Variants in ISLR2 observed in about 807,000 individuals in gnomAD.
The protein encoded by ISLR2 is immunoglobulin superfamily containing leucine-rich repeat protein 2.
In ISLR2, 16 loss-of-function variants were observed where a neutral mutation model predicts 25.5. The ratio of observed to expected loss-of-function variants is 0.63; its 90% CI spans 0.43 to 0.95. The LOEUF (loss-of-function observed/expected upper bound fraction) is 0.95, where lower values mean the gene tolerates loss of function less well. Among genes scored for constraint, ISLR2 ranks in the 40% least tolerant of loss-of-function variants. The pLI, the probability that ISLR2 is intolerant of heterozygous loss-of-function variation, is 0.00. For missense variants in ISLR2, 883 were observed against 1,030.7 expected, an observed-to-expected ratio of 0.86 and a Z score of 1.96; for synonymous variants, 508 against 486.6, an observed-to-expected ratio of 1.04 and a Z score of -0.58.
upstream of ISLR2, chr15:74,128,958 G>T: frequency 2.2e-6 from 1 of 455,874 alleles, no homozygotes; most frequent in Non-Finnish European, 4.4e-6. Context: ...AAACCTCAGG[G>T]ACTCACCCCG....
rs2072538902 is a variant in ISLR2 at position 74,135,000 on chromosome 15, C to CCCGT, written c.*12_*15dup. On this transcript the variant is annotated 3_prime_UTR_variant, in exon 3 of 3. Transcript: ENST00000453268. The stretch of plus-strand genomic sequence containing the variant: ...AGGCAGACGGCAGGCTGAACCTCCG[C>CCCGT]CCGTCCGGCCCGCCCATTCCCGACC... 6.2e-7 allele frequency: 1 copy of CCCGT among 1,607,868 alleles called. No homozygotes were observed. Among genetic ancestry groups the CCCGT allele is most frequent in the East Asian group, 2.2e-5 (1 of 44,808 alleles).
chr15:74,130,553 G>C (rs2072388149), upstream of ISLR2: 1 of 152,664 alleles, frequency 6.6e-6, no homozygotes, highest in Admixed American at 6.5e-5. Context: ...ACGTGTTGCA[G>C]GGCGTAAAAG....
At chr15:74,107,078 G>A (rs2072126700) in intron 2 of ISLR2, among the ~76,000 whole-genome samples, 1 of 152,170 alleles carries the variant, frequency 6.6e-6, no homozygotes, top group South Asian at 2.1e-4. Flanking sequence ...AGCAAGCATG[G>A]CCCAGGGCCC....
At chr15:74,113,759 T>C (rs1375515105) in intron 2 of ISLR2, among the ~76,000 whole-genome samples, 2 of 152,224 alleles carry the variant, frequency 1.3e-5, no homozygotes, top group Non-Finnish European at 1.5e-5. Flanking sequence ...TGTGAATGTC[T>C]GGGATATTCA....
intron 2 of ISLR2, among the ~76,000 whole-genome samples, chr15:74,121,374 C>A (rs968572321): frequency 1.3e-5 from 2 of 152,144 alleles, no homozygotes; most frequent in Non-Finnish European, 2.9e-5. Context: ...CTCTTCATAG[C>A]CTGATTCCTC....
chr15:74,104,787 T>C (rs2072107918), intron 2 of ISLR2, among the ~76,000 whole-genome samples: 1 of 150,174 alleles, frequency 6.7e-6, no homozygotes, highest in African/African-American at 2.5e-5. Flanking sequence ...GGTCTTGCTA[T>C]GTTGCCCAGG....
At chr15:74,140,248 C>T (rs1001580197), downstream of ISLR2, among the ~76,000 whole-genome samples, 3 of 152,248 alleles carry the variant, frequency 2.0e-5, no homozygotes, top group Middle Eastern at 3.4e-3. Context: ...TGGAATGCAG[C>T]CCTCCACCCA....
upstream of ISLR2, among the ~76,000 whole-genome samples, chr15:74,125,399 G>A (rs1262701531): frequency 3.3e-5 from 5 of 151,888 alleles, no homozygotes; most frequent in East Asian, 1.9e-4. Flanking sequence ...GTGCCACCAC[G>A]CCCAACTAAT....
In ISLR2 at chr15:74,114,571, C is replaced by A. The variant is rs189883674; in HGVS notation, n.228+10657C>A. On this transcript the variant is annotated intron_variant and non_coding_transcript_variant, in intron 2 of 3. Coordinates refer to the ISLR2 transcript ENST00000561975. Reference sequence around the variant, plus strand: ...CCATGAAGTGGAGGTGGCAGTGAGCCGAGATGGCGCCACTTGGGGTGACAG... The same window carrying A: ...CCATGAAGTGGAGGTGGCAGTGAGCAGAGATGGCGCCACTTGGGGTGACAG... Among the ~76,000 whole-genome samples, 152 of 150,282 alleles carry A rather than the reference C, an allele frequency of 1.0e-3. No homozygotes were observed. In the East Asian group the frequency reaches 0.028, roughly 28 times the overall value.
In ISLR2 at chr15:74,100,342, A is replaced by C. The variant is rs993853577; in HGVS notation, n.32A>C. 8 of 1,223,270 alleles carry C rather than the reference A, an allele frequency of 6.5e-6. No homozygotes were observed. The African/African-American group carries it at 1.3e-4, about 20-fold the overall frequency. The allele number at this position is 1,223,270 out of a possible 1,614,324, so 75.8% of individuals were successfully genotyped here. ...TCGAGTGAGGCCGGGAGCGGACCGC[A>C]GCCCGCTGGAGGTGCCGGGGGCGAA... On this transcript the variant is annotated non_coding_transcript_exon_variant, in exon 1 of 4. Coordinates refer to the ISLR2 transcript ENST00000561975.
chr15:74,114,721 T>C (rs1357844981), intron 2 of ISLR2, among the ~76,000 whole-genome samples: 1 of 151,126 alleles, frequency 6.6e-6, no homozygotes, highest in Non-Finnish European at 1.5e-5. Context: ...ACTAGAAAAA[T>C]GGAACAACAT....
chr15:74,128,169 G>A, upstream of ISLR2: 1 of 299,302 alleles, frequency 3.3e-6, no homozygotes, highest in Non-Finnish European at 6.4e-6. Flanking sequence ...GACGAGGTGC[G>A]CGCAGTCTTC....
Position 74,134,532 on chromosome 15 carries a change from T to C in ISLR2, c.1778T>C (p.Ile593Thr). Reference protein sequence around the residue: ...TKKELPSLLVIVAVSVFLLVL... With the variant: ...TKKELPSLLVTVAVSVFLLVL... Reference sequence around the variant, plus strand: ...AAGGAGCTCCCATCGCTGCTGGTCATAGTGGCAGTGAGCGTATTCCTCCTG... The same window carrying C: ...AAGGAGCTCCCATCGCTGCTGGTCACAGTGGCAGTGAGCGTATTCCTCCTG... The change falls in exon 3 of 3, where the codon ATA becomes ACA. Residue 593 changes from isoleucine (I) to threonine (T), a missense_variant. Transcript: ENST00000453268. 2.5e-6 allele frequency: 4 copies of C among 1,614,062 alleles called. No individual in the cohort carries two copies. The highest frequency in any genetic ancestry group is 3.4e-6 in the Non-Finnish European group (4 of 1,180,024).
In ISLR2 at chr15:74,135,578, T is replaced by G. The variant is rs1194545501; in HGVS notation, c.*586T>G. 5 of 158,030 alleles carry G rather than the reference T, an allele frequency of 3.2e-5. No homozygotes were observed. The highest frequency in any genetic ancestry group is 7.3e-5 in the Non-Finnish European group (5 of 68,192). 9.8% of individuals were successfully genotyped at this position (158,030 alleles called of 1,614,324 possible). A position where few individuals can be genotyped will look rare whatever the true frequency, so the allele number is the denominator to read the frequency against. On this transcript the variant is annotated 3_prime_UTR_variant, in exon 3 of 3. Coordinates refer to ENST00000453268, the MANE Select transcript of ISLR2 (RefSeq NM_020851.3). ...GTGCAGTGGCGCGATCTCGGCTCAC[T>G]GCATCTTCCGCCTCCCGGGTTCAAG...
upstream of ISLR2, among the ~76,000 whole-genome samples, chr15:74,123,230 A>G (rs920062553): frequency 4.6e-5 from 7 of 151,952 alleles, no homozygotes; most frequent in Non-Finnish European, 7.4e-5. Flanking sequence ...GCCTCAAGAG[A>G]TGAGGCGGGA....
rs1754917102 is a variant in ISLR2, at chr15:74,136,768, CGTCTGTATGCA to C, written c.*1780_*1790del. On this transcript the variant is annotated 3_prime_UTR_variant, in exon 3 of 3. Coordinates refer to ENST00000453268, the MANE Select transcript of ISLR2 (RefSeq NM_020851.3). ...CGGAGCCCGTGCCCTTTTCTAAACG[CGTCTGTATGCA>C]GTCAATAAAACAATCGATTTGAACT... 1 of 167,100 alleles carries C rather than the reference CGTCTGTATGCA, an allele frequency of 6.0e-6. No homozygotes were observed. The highest frequency in any genetic ancestry group is 6.5e-5 in the Admixed American group (1 of 15,288). The allele number at this position is 167,100 out of a possible 1,614,324, so 10.4% of individuals were successfully genotyped here.
At chr15:74,131,788 C>A (rs2072426042) in intron 2 of ISLR2, 1 of 152,296 alleles carries the variant, frequency 6.6e-6, no homozygotes, top group African/African-American at 2.4e-5. Context: ...GGAGAACCTC[C>A]TTCCCCGTAA....
intron 2 of ISLR2, among the ~76,000 whole-genome samples, chr15:74,106,048 G>T (rs561337943): frequency 1.3e-5 from 2 of 152,112 alleles, no homozygotes; most frequent in Admixed American, 6.5e-5. Flanking sequence ...ATTTAAAACC[G>T]GGCTCCATGG....
downstream of ISLR2, among the ~76,000 whole-genome samples, chr15:74,141,724 T>C (rs1330154633): frequency 6.6e-6 from 1 of 152,168 alleles, no homozygotes; most frequent in Non-Finnish European, 1.5e-5. Flanking sequence ...AGAGGGTTAG[T>C]AGTTTGTTGA....
Sources: gnomAD v4.1 joint callset for allele counts (sites outside exome capture counted in the v4.1 genomes callset) on GRCh38, gnomAD v4.1.1 for gene constraint, MANE v1.5 for transcripts, NCBI Gene and HGNC (gene_info 2026-07-23, HGNC 2026-07-21) for gene names.